SLC24A2: variants seen among roughly 807,000 people sequenced by gnomAD.
SLC24A2 encodes the protein sodium/potassium/calcium exchanger 2.
SLC24A2 carries 36 observed loss-of-function variants against 62.0 expected under a neutral mutation model. That is an observed-to-expected ratio of 0.58 (90% CI 0.44 to 0.77). The LOEUF (loss-of-function observed/expected upper bound fraction) is 0.77, where lower values mean the gene tolerates loss of function less well. Among genes scored for constraint, SLC24A2 ranks in the 30% least tolerant of loss-of-function variants. SLC24A2 has a pLI of 0.00. For missense variants in SLC24A2, 846 were observed against 817.9 expected (o/e 1.03, Z -0.42); for synonymous variants, 358 against 294.0 (o/e 1.22, Z -2.23).
chr9:19,817,007 T>G, the SLC24A2 span, among the ~76,000 whole-genome samples: 1 of 152,178 alleles, frequency 6.6e-6, no homozygotes, highest in Admixed American at 6.6e-5. Flanking sequence ...ATTCATAGAA[T>G]GCATGAATGA....
chr9:19,750,022 A>T (rs1386022931), intron 2 of SLC24A2, among the ~76,000 whole-genome samples: 5 of 152,178 alleles, frequency 3.3e-5, no homozygotes, highest in African/African-American at 1.2e-4. Context: ...AACTCAAGCC[A>T]AGGTCAGAGG....
At chr9:19,741,904 T>C (rs1213363886) in intron 2 of SLC24A2, among the ~76,000 whole-genome samples, 3 of 152,240 alleles carry the variant, frequency 2.0e-5, no homozygotes, top group African/African-American at 4.8e-5. Context: ...TCTCAATTTA[T>C]ATTTTAAAAT....
chr9:19,552,848 A>C (rs1834912306), intron 7 of SLC24A2, among the ~76,000 whole-genome samples: 1 of 152,256 alleles, frequency 6.6e-6, no homozygotes, highest in Admixed American at 6.5e-5. Context: ...ATAGCAGAAA[A>C]TAATAATTGT....
At chr9:19,533,028 G>A (rs1460752080) in intron 8 of SLC24A2, among the ~76,000 whole-genome samples, 1 of 152,150 alleles carries the variant, frequency 6.6e-6, no homozygotes, top group African/African-American at 2.4e-5. Flanking sequence ...TAATAAAACT[G>A]TAAGTGTAAA....
chr9:19,878,839 T>C, the SLC24A2 span, among the ~76,000 whole-genome samples: 2 of 152,168 alleles, frequency 1.3e-5, no homozygotes, highest in Non-Finnish European at 2.9e-5. Context: ...TATTTCTCTA[T>C]AGCAGTGCAA....
At position 19,764,161 on chromosome 9, in the gene SLC24A2, T is replaced by C. The variant is rs540193550; in HGVS notation, c.930+21776A>G. ...TTTCTGTGGCATCAGTGGTGATCTC[T>C]CCTTTATCATTTTTTATTGCGTCTA... On this transcript the variant is annotated intron_variant, in intron 2 of 10. Coordinates refer to ENST00000341998, the MANE Select transcript of SLC24A2 (RefSeq NM_020344.4). Among the ~76,000 whole-genome samples, 611 of 152,248 alleles carry C rather than the reference T, an allele frequency of 4.0e-3. 1 individual carries two copies. Among genetic ancestry groups the C allele is most frequent in the South Asian group, 9.1e-3 (44 of 4,828 alleles).
At chr9:19,562,169 G>C (rs566545206) in intron 7 of SLC24A2, among the ~76,000 whole-genome samples, 1 of 152,166 alleles carries the variant, frequency 6.6e-6, no homozygotes, top group South Asian at 2.1e-4. Context: ...TTGTTTTCAT[G>C]GGCTTTGTAA....
the SLC24A2 span, among the ~76,000 whole-genome samples, chr9:20,253,223 A>G: frequency 6.6e-6 from 1 of 152,212 alleles, no homozygotes; most frequent in Non-Finnish European, 1.5e-5. Flanking sequence ...GGGAGAAGAC[A>G]TGCCTGCTAT....
the SLC24A2 span, among the ~76,000 whole-genome samples, chr9:20,290,375 C>A: frequency 1.3e-5 from 2 of 152,228 alleles, no homozygotes; most frequent in Non-Finnish European, 2.9e-5. Context: ...TGTACAGTTT[C>A]TTGTCAGTTG....
the SLC24A2 span, among the ~76,000 whole-genome samples, chr9:19,863,998 A>G: frequency 6.6e-6 from 1 of 151,942 alleles, no homozygotes; most frequent in Non-Finnish European, 1.5e-5. Flanking sequence ...GATGAAAAAG[A>G]CATTAAAACT....
the SLC24A2 span, among the ~76,000 whole-genome samples, chr9:20,108,583 T>C: frequency 4.6e-5 from 7 of 151,428 alleles, no homozygotes; most frequent in African/African-American, 7.3e-5. Context: ...TCATTCTCAG[T>C]AAACTATCGC....
chr9:19,704,109 G>C (rs1587182851), intron 2 of SLC24A2, among the ~76,000 whole-genome samples: 1 of 151,556 alleles, frequency 6.6e-6, no homozygotes, highest in African/African-American at 2.4e-5. Context: ...ACTAAAACGT[G>C]ATCTGTGGAC....
In SLC24A2 at chr9:19,518,677, C is replaced by A. The variant is rs541475136; in HGVS notation, c.1736+2217G>T. ...CCTTGTGATCCGCCCACCTCAGCCTCCCAAAGTGCTGGGATTACAGGTGTG... is the reference window on the plus strand; with the variant it reads ...CCTTGTGATCCGCCCACCTCAGCCTACCAAAGTGCTGGGATTACAGGTGTG... On this transcript the variant is annotated intron_variant, in intron 10 of 10. Coordinates refer to ENST00000341998, the MANE Select transcript of SLC24A2 (RefSeq NM_020344.4). 2.0e-5 allele frequency among the ~76,000 whole-genome samples: 3 copies of A among 152,226 alleles called. No individual in the cohort carries two copies. In the East Asian group the frequency reaches 5.8e-4, roughly 29 times the overall value.
At chr9:20,058,285 T>G in the SLC24A2 span, among the ~76,000 whole-genome samples, 1 of 152,058 alleles carries the variant, frequency 6.6e-6, no homozygotes, top group East Asian at 1.9e-4. Context: ...CAAATAAAGA[T>G]GAACCAACAA....
the SLC24A2 span, among the ~76,000 whole-genome samples, chr9:19,947,808 A>AAAAAGAAAGAAAG: frequency 9.6e-4 from 57 of 59,264 alleles, no homozygotes; most frequent in South Asian, 3.2e-3. Flanking sequence ...AAAAAAAAAA[A>AAAAAGAAAGAAAG]AAAGAAAGAA....
intron 2 of SLC24A2, among the ~76,000 whole-genome samples, chr9:19,648,723 G>C (rs1818712222): frequency 6.6e-6 from 1 of 152,106 alleles, no homozygotes; most frequent in Non-Finnish European, 1.5e-5. Context: ...AATTAAAGAG[G>C]ACACTTTTAA....
chr9:20,199,207 G>A, the SLC24A2 span, among the ~76,000 whole-genome samples: 1 of 152,148 alleles, frequency 6.6e-6, no homozygotes, highest in African/African-American at 2.4e-5. Context: ...ATACCAAATG[G>A]AGAGCAAGTG....
chr9:19,564,097 C>A (rs937329881), intron 7 of SLC24A2, among the ~76,000 whole-genome samples: 2 of 151,996 alleles, frequency 1.3e-5, no homozygotes, highest in Non-Finnish European at 2.9e-5. Flanking sequence ...CTCAAGTGAT[C>A]CACCTGCCTC....
the SLC24A2 span, among the ~76,000 whole-genome samples, chr9:20,225,776 G>A: frequency 6.6e-6 from 1 of 151,040 alleles, no homozygotes; most frequent in Non-Finnish European, 1.5e-5. Context: ...ACTGTTAGAT[G>A]TTAATAATAA....
Sources: allele counts gnomAD v4.1 joint callset (sites outside exome capture counted in the v4.1 genomes callset), GRCh38; gene constraint gnomAD v4.1.1; transcripts MANE v1.5; gene names NCBI Gene and HGNC (gene_info 2026-07-23, HGNC 2026-07-21).